Variants in SELENOF observed in about 807,000 individuals in gnomAD.
SELENOF encodes selenoprotein F.
Under a neutral mutation model 20.5 loss-of-function variants are expected in SELENOF, and 16 were observed. That is an observed-to-expected ratio of 0.78 (90% CI 0.53 to 1.19). SELENOF has a LOEUF of 1.19. Ranked by LOEUF, SELENOF falls within the 50% of genes most tolerant of loss-of-function variation. The pLI, the probability that SELENOF is intolerant of heterozygous loss-of-function variation, is 0.00. For synonymous variants in SELENOF, 78 were observed against 74.5 expected, an observed-to-expected ratio of 1.05 and a Z score of -0.24; for missense variants, 215 against 194.2, an observed-to-expected ratio of 1.11 and a Z score of -0.64.
intron 1 of SELENOF, among the ~76,000 whole-genome samples, chr1:86,910,702 CAA>C (rs36124875): frequency 0.012 from 971 of 82,748 alleles, 6 homozygotes; most frequent in Middle Eastern, 0.029. Flanking sequence ...GACTCCATAT[CAA>C]AAAAAAAAAA....
chr1:86,887,160 A>G, intron 2 of SELENOF: 3 of 1,541,944 alleles, frequency 1.9e-6, no homozygotes, highest in Non-Finnish European at 2.6e-6. Flanking sequence ...ACTCACTTTG[A>G]GTGATGGCAT....
chr1:86,900,015 C>G (rs1360516434), intron 2 of SELENOF, among the ~76,000 whole-genome samples: 1 of 151,272 alleles, frequency 6.6e-6, no homozygotes, highest in Non-Finnish European at 1.5e-5. Flanking sequence ...ACACTCCTCA[C>G]TTCCTAGATG....
At chr1:86,874,908 A>G (rs1395509040) in intron 3 of SELENOF, among the ~76,000 whole-genome samples, 6 of 152,232 alleles carry the variant, frequency 3.9e-5, no homozygotes, top group Non-Finnish European at 8.8e-5. Flanking sequence ...GTGTTCAACA[A>G]AAGCTATTCA....
intron 2 of SELENOF, among the ~76,000 whole-genome samples, chr1:86,894,129 A>G (rs909622372): frequency 1.3e-5 from 2 of 150,886 alleles, no homozygotes; most frequent in Non-Finnish European, 2.9e-5. Context: ...AAGGGGACCA[A>G]GATGTTCTAA....
At chr1:86,867,039 T>C (rs1203605312) in intron 4 of SELENOF, among the ~76,000 whole-genome samples, 3 of 152,182 alleles carry the variant, frequency 2.0e-5, no homozygotes, top group African/African-American at 7.2e-5. Flanking sequence ...TTGCCCCAAA[T>C]TGGAAGCAAT....
rs1176119529 is a variant in SELENOF at position 86,867,577 on chromosome 1, C to T, written c.366+476G>A. ...GGAAGAGGGAGAGAAATGACCTGAA[C>T]GTGTGAGGATTGGAGATTTCTTAGG... is the stretch of plus-strand genomic sequence containing the variant. On this transcript the variant is annotated intron_variant, in intron 4 of 4. Transcript: ENST00000331835. Among the ~76,000 whole-genome samples, 7 of 152,004 alleles carry T rather than the reference C, an allele frequency of 4.6e-5. No homozygotes were observed. The East Asian group carries it at 1.4e-3, about 29-fold the overall frequency.
rs561147609 is a variant in SELENOF, at chr1:86,897,072, G to A, written c.252+6209C>T. On this transcript the variant is annotated intron_variant, in intron 2 of 4. Transcript: ENST00000331835. ...TGTAATTCTAGCACTTTGGGAGGCC[G>A]AGTTGGGTGGATCACCTGAGGTCAG... Among the ~76,000 whole-genome samples, 13 of 152,274 alleles carry A rather than the reference G, an allele frequency of 8.5e-5. No homozygotes were observed. The East Asian group carries it at 2.5e-3, about 29-fold the overall frequency.
At chr1:86,867,503 C>A (rs1658633252) in intron 4 of SELENOF, among the ~76,000 whole-genome samples, 1 of 151,438 alleles carries the variant, frequency 6.6e-6, no homozygotes, top group Non-Finnish European at 1.5e-5. Context: ...ACAACAACAA[C>A]AACAACAACA....
chr1:86,897,168 G>C (rs895190342), intron 2 of SELENOF, among the ~76,000 whole-genome samples: 2 of 151,956 alleles, frequency 1.3e-5, no homozygotes, highest in African/African-American at 4.8e-5. Flanking sequence ...TTAGCTGGGC[G>C]TGGTGGCGGG....
intron 1 of SELENOF, among the ~76,000 whole-genome samples, chr1:86,906,954 T>C (rs1020902450): frequency 6.6e-6 from 1 of 152,370 alleles, no homozygotes; most frequent in Admixed American, 6.5e-5. Context: ...CGTATAAAAC[T>C]GTTACCAAAA....
chr1:86,879,044 A>T (rs764889272), intron 3 of SELENOF, among the ~76,000 whole-genome samples: 1 of 152,206 alleles, frequency 6.6e-6, no homozygotes, highest in African/African-American at 2.4e-5. Flanking sequence ...TAAGAAATAT[A>T]TATTACGGTA....
At chr1:86,898,730 T>C (rs1425774627) in intron 2 of SELENOF, among the ~76,000 whole-genome samples, 3 of 151,894 alleles carry the variant, frequency 2.0e-5, no homozygotes, top group Admixed American at 1.3e-4. Context: ...TACAGGTGTG[T>C]GCCACCACAC....
At chr1:86,891,198 T>C (rs1368498442) in intron 2 of SELENOF, among the ~76,000 whole-genome samples, 1 of 152,026 alleles carries the variant, frequency 6.6e-6, no homozygotes, top group African/African-American at 2.4e-5. Flanking sequence ...TACAGGCATG[T>C]GCCACCACGC....
intron 3 of SELENOF, among the ~76,000 whole-genome samples, chr1:86,876,184 G>T (rs577213769): frequency 6.6e-6 from 1 of 151,880 alleles, no homozygotes; most frequent in African/African-American, 2.4e-5. Flanking sequence ...ACAGAAAAGA[G>T]AAAGGGACTA....
chr1:86,908,842 C>T (rs1414742369), intron 1 of SELENOF, among the ~76,000 whole-genome samples: 1 of 152,194 alleles, frequency 6.6e-6, no homozygotes, highest in African/African-American at 2.4e-5. Flanking sequence ...CTCCCTAAGA[C>T]TGTACTAAAA....
At chr1:86,878,651 C>T (rs922862941) in intron 3 of SELENOF, among the ~76,000 whole-genome samples, 3 of 151,972 alleles carry the variant, frequency 2.0e-5, no homozygotes, top group South Asian at 4.1e-4. Context: ...CACTGCACTC[C>T]AGTGTGGGCG....
intron 4 of SELENOF, among the ~76,000 whole-genome samples, chr1:86,867,041 G>C (rs531543718): frequency 1.3e-5 from 2 of 152,118 alleles, no homozygotes; most frequent in African/African-American, 2.4e-5. Flanking sequence ...GCCCCAAATT[G>C]GAAGCAATCA....
intron 3 of SELENOF, among the ~76,000 whole-genome samples, chr1:86,873,649 G>A (rs1658844423): frequency 6.6e-6 from 1 of 152,148 alleles, no homozygotes; most frequent in South Asian, 2.1e-4. Context: ...TCGAGAGTTC[G>A]AGACCAGCCT....
At chr1:86,882,638 C>A (rs1659106607) in intron 2 of SELENOF, among the ~76,000 whole-genome samples, 1 of 152,094 alleles carries the variant, frequency 6.6e-6, no homozygotes, top group Non-Finnish European at 1.5e-5. Context: ...ATATGATCTG[C>A]AATTCTACTT....
Sources: allele counts gnomAD v4.1 joint callset (sites outside exome capture counted in the v4.1 genomes callset), GRCh38; gene constraint gnomAD v4.1.1; transcripts MANE v1.5; gene names NCBI Gene and HGNC (gene_info 2026-07-23, HGNC 2026-07-21).